DENND1B: variants seen among roughly 807,000 people sequenced by gnomAD.
DENND1B encodes the protein DENN domain containing 1B.
Under a neutral mutation model 90.1 loss-of-function variants are expected in DENND1B, and 59 were observed. The ratio of observed to expected loss-of-function variants is 0.65; its 90% CI spans 0.53 to 0.81. DENND1B has a LOEUF of 0.81. Among genes scored for constraint, DENND1B ranks in the 40% least tolerant of loss-of-function variants. DENND1B has a pLI of 0.00. For missense variants in DENND1B, 862 were observed against 912.6 expected (o/e 0.94, Z 0.71); for synonymous variants, 337 against 324.6 (o/e 1.04, Z -0.41).
chr1:197,691,200 C>G (rs962953545), intron 3 of DENND1B, among the ~76,000 whole-genome samples: 4 of 150,734 alleles, frequency 2.7e-5, no homozygotes, highest in Non-Finnish European at 5.9e-5. Context: ...TATTTGCAAA[C>G]CATACATATG....
chr1:197,706,672 A>T (rs974473631), intron 3 of DENND1B, among the ~76,000 whole-genome samples: 3 of 152,196 alleles, frequency 2.0e-5, no homozygotes, highest in Non-Finnish European at 4.4e-5. Flanking sequence ...GGCACATCAA[A>T]CAATCTCAGC....
chr1:197,724,664 T>A (rs186219816), intron 2 of DENND1B, among the ~76,000 whole-genome samples: 8 of 152,164 alleles, frequency 5.3e-5, no homozygotes, highest in African/African-American at 1.9e-4. Flanking sequence ...AGATACTAAT[T>A]TTTTTTGTTC....
At chr1:197,763,982 T>C (rs921605466) in intron 2 of DENND1B, among the ~76,000 whole-genome samples, 32 of 152,358 alleles carry the variant, frequency 2.1e-4, no homozygotes, top group East Asian at 1.9e-3. Flanking sequence ...ATACTTTCTA[T>C]GGTGTTTAAG....
intron 13 of DENND1B, among the ~76,000 whole-genome samples, chr1:197,596,397 T>C (rs1675692783): frequency 6.6e-6 from 1 of 151,978 alleles, no homozygotes; most frequent in Non-Finnish European, 1.5e-5. Context: ...TTCTGTTCAC[T>C]TAAAAATATT....
intron 1 of DENND1B, 111 bp downstream of exon 1, chr1:197,775,028 C>G (rs879661457): frequency 2.1e-4 from 164 of 774,876 alleles, no homozygotes; most frequent in Non-Finnish European, 2.7e-4. Flanking sequence ...CCCGGCCAAC[C>G]TCGGCCGCCC....
At chr1:197,735,134 A>G in intron 2 of DENND1B, 2 of 964,904 alleles carry the variant, frequency 2.1e-6, no homozygotes, top group Non-Finnish European at 2.5e-6. Context: ...TCTATATTAT[A>G]TATGAATAAT....
rs964004640 is a variant in DENND1B at position 197,715,033 on chromosome 1, G to A, written c.124C>T (p.Gln42Ter). 6.2e-7 allele frequency: 1 copy of A among 1,609,402 alleles called. No homozygotes were observed. The highest frequency in any genetic ancestry group is 1.1e-5 in the South Asian group (1 of 90,256). The change falls in exon 3 of 23, where the codon CAG becomes TAG. Residue 42 changes from glutamine (Q) to a stop codon, truncating the protein, a stop_gained and splice_region_variant. Transcript: ENST00000620048. LOFTEE classifies it high-confidence loss of function. ...TTAAAAAATTATGTGGTACCAACCT[G>A]GTCTCCAAAGTCCTCTGGGAATTTC... ...LWKFPEDFGD[Q>*]EILQSVPKFC...
chr1:197,548,485 T>A (rs986323253), intron 16 of DENND1B, among the ~76,000 whole-genome samples: 18 of 152,006 alleles, frequency 1.2e-4, no homozygotes, highest in Admixed American at 5.9e-4. Flanking sequence ...TTAAACAATG[T>A]TTAGTATGGT....
At chr1:197,748,217 G>A (rs182118267) in intron 2 of DENND1B, among the ~76,000 whole-genome samples, 27 of 111,368 alleles carry the variant, frequency 2.4e-4, no homozygotes, top group Admixed American at 1.8e-3. Context: ...AATATTCAGC[G>A]TGTAACAAAA....
chr1:197,735,502 A>T (rs1455425542), intron 2 of DENND1B: 1 of 1,593,908 alleles, frequency 6.3e-7, no homozygotes, highest in Non-Finnish European at 8.6e-7. Flanking sequence ...TTTGCTTAAC[A>T]GTTTATGTTT....
At chr1:197,571,563 T>C (rs1673155827) in intron 15 of DENND1B, among the ~76,000 whole-genome samples, 1 of 152,206 alleles carries the variant, frequency 6.6e-6, no homozygotes. Flanking sequence ...CAATCTAAAT[T>C]GGCCATCCAG....
intron 15 of DENND1B, among the ~76,000 whole-genome samples, chr1:197,570,362 T>C (rs1673045616): frequency 6.6e-6 from 1 of 152,224 alleles, no homozygotes; most frequent in Non-Finnish European, 1.5e-5. Context: ...CTACATGGGA[T>C]TTATTTTATC....
intron 15 of DENND1B, among the ~76,000 whole-genome samples, chr1:197,577,594 T>A (rs978425938): frequency 6.6e-6 from 1 of 152,142 alleles, no homozygotes; most frequent in Admixed American, 6.5e-5. Flanking sequence ...TAACAAGCAA[T>A]GTACAGAAGA....
intron 2 of DENND1B, among the ~76,000 whole-genome samples, chr1:197,753,365 G>A (rs1653816521): frequency 6.6e-6 from 1 of 152,008 alleles, no homozygotes; most frequent in Non-Finnish European, 1.5e-5. Flanking sequence ...AAGGCAAACT[G>A]TAGAGACAGT....
chr1:197,595,162 A>T, intron 14 of DENND1B, 46 bp downstream of exon 14: 1 of 1,570,328 alleles, frequency 6.4e-7, no homozygotes, highest in Non-Finnish European at 8.6e-7. Flanking sequence ...CATTCCAAAG[A>T]ACCATAAAAA....
rs571447325 is a variant in DENND1B at position 197,716,271 on chromosome 1, AAAG to A, written c.83-1200_83-1198del. 3.1e-3 allele frequency among the ~76,000 whole-genome samples: 471 copies of A among 151,944 alleles called. 3 individuals are homozygous for A. The highest frequency in any genetic ancestry group is 0.01 in the African/African-American group (417 of 41,548). The stretch of plus-strand genomic sequence containing the variant: ...ATTTTTTTCAGGTATTTTAAATTAA[AAAG>A]AAAAAAGTAAGCTTTCGACAATTAA... On this transcript the variant is annotated intron_variant, in intron 2 of 22. Coordinates refer to ENST00000620048, the MANE Select transcript of DENND1B (RefSeq NM_001195215.2).
At chr1:197,621,257 T>C (rs1678132460) in intron 10 of DENND1B, among the ~76,000 whole-genome samples, 1 of 151,228 alleles carries the variant, frequency 6.6e-6, no homozygotes, top group African/African-American at 2.4e-5. Flanking sequence ...TAATAAACTA[T>C]TTACCTGGAA....
At chr1:197,678,465 T>G (rs1397968934) in intron 3 of DENND1B, among the ~76,000 whole-genome samples, 2 of 152,182 alleles carry the variant, frequency 1.3e-5, no homozygotes, top group Non-Finnish European at 2.9e-5. Flanking sequence ...GATGATTACT[T>G]AATTTTGAAT....
intron 4 of DENND1B, among the ~76,000 whole-genome samples, chr1:197,673,332 C>T (rs1655719795): frequency 6.6e-6 from 1 of 151,916 alleles, no homozygotes; most frequent in Admixed American, 6.6e-5. Context: ...TATCATTCAT[C>T]AACAATGCTT....
Sources: allele counts gnomAD v4.1 joint callset (sites outside exome capture counted in the v4.1 genomes callset), GRCh38; gene constraint gnomAD v4.1.1; transcripts MANE v1.5; gene names NCBI Gene and HGNC (gene_info 2026-07-23, HGNC 2026-07-21).